Variants in GLB1L3 observed in about 807,000 individuals in gnomAD.
GLB1L3 encodes galactosidase beta 1 like 3.
Under a neutral mutation model 89.5 loss-of-function variants are expected in GLB1L3, and 89 were observed. The observed-to-expected ratio is 0.99, with a 90% confidence interval of 0.84 to 1.19. GLB1L3 has a LOEUF of 1.19. Among genes scored for constraint, GLB1L3 ranks in the 50% most tolerant of loss-of-function variants. The pLI is 0.00. For synonymous variants in GLB1L3, 314 were observed against 312.3 expected (o/e 1.01, Z -0.06); for missense variants, 812 against 813.3 (o/e 1.00, Z 0.02).
chr11:134,288,651 C>T (rs1490262636), intron 6 of GLB1L3, 147 bp from the exon 7 acceptor site: 1 of 563,616 alleles, frequency 1.8e-6, no homozygotes, highest in African/African-American at 1.9e-5. Context: ...ACTCTAACTC[C>T]AGCGCTGGAG....
intron 16 of GLB1L3, among the ~76,000 whole-genome samples, 193 bp from the exon 17 acceptor site, chr11:134,313,748 G>C (rs1260730191): frequency 6.6e-6 from 1 of 152,210 alleles, no homozygotes; most frequent in Non-Finnish European, 1.5e-5. Context: ...AGTACTAAGT[G>C]GGGGAACTTT....
At chr11:134,310,982 C>G in intron 12 of GLB1L3, 82 bp from the exon 13 acceptor site, 2 of 941,540 alleles carry the variant, frequency 2.1e-6, no homozygotes, top group Non-Finnish European at 3.4e-6. Flanking sequence ...AAGGAAAAGC[C>G]ATGCTGGATA....
chr11:134,277,244 G>GC (rs1463798012), intron 1 of GLB1L3, 82 bp from the exon 2 acceptor site: 2 of 1,588,584 alleles, frequency 1.3e-6, no homozygotes, highest in South Asian at 1.1e-5. Context: ...CCTCTAAAGC[G>GC]CCCCCGGCAC....
At position 134,318,698 on chromosome 11, in the gene GLB1L3, A is replaced by C. The variant is rs1308044488; in HGVS notation, c.1847A>C (p.Gln616Pro). Residue 616 changes from glutamine (Q) to proline (P), a missense_variant, in exon 19 of 20, where the codon CAG becomes CCG. Physicochemically the swap from Gln to Pro is moderately conservative, Grantham distance 76. Around this residue, in one of 3 missense-constraint regions of GLB1L3, gnomAD observed 618 missense variants for 604.0 expected, o/e 1.02. Transcript: ENST00000431683. Reference protein sequence around the residue: ...NLGRYWNIGPQKTLYLPGVWL... With the variant: ...NLGRYWNIGPPKTLYLPGVWL... The stretch of plus-strand genomic sequence containing the variant: ...GGGCGATATTGGAATATTGGGCCTC[A>C]GAAAACACTGTACCTTCCTGGAGTT... 6.2e-7 allele frequency: 1 copy of C among 1,613,186 alleles called. No individual in the cohort carries two copies. The highest frequency in any genetic ancestry group is 1.3e-5 in the African/African-American group (1 of 75,054).
chr11:134,309,844 G>GC (rs773829816), intron 11 of GLB1L3, 81 bp downstream of exon 11: 10 of 1,479,972 alleles, frequency 6.8e-6, no homozygotes, highest in Non-Finnish European at 9.3e-6. Context: ...GCCTGTTCTG[G>GC]CACCACTGGG....
chr11:134,307,296 A>T, intron 10 of GLB1L3, 88 bp downstream of exon 10: 1 of 962,014 alleles, frequency 1.0e-6, no homozygotes, highest in Non-Finnish European at 1.6e-6. Context: ...TAATTGATTC[A>T]CTTGATCAGC....
rs570361939 is a variant in GLB1L3 at position 134,281,827 on chromosome 11, G to A, written c.432-198G>A. Among the ~76,000 whole-genome samples the A allele has an allele frequency of 5.5e-5, 8 of 146,132 alleles. No individual in the cohort carries two copies. The East Asian group carries it at 7.9e-4, about 15-fold the overall frequency. On this transcript the variant is annotated intron_variant, in intron 4 of 19. Coordinates refer to ENST00000431683, the MANE Select transcript of GLB1L3 (RefSeq NM_001080407.3). ...TGTCACCCTTCCTCCTCAGGCCCCC[G>A]ATGGGGCTGTGCAGAGGCTCTGAGG...
In GLB1L3 at chr11:134,310,635, C is replaced by T. The variant is rs201500707; in HGVS notation, c.1164C>T (p.Leu388=). 429 of 1,612,954 alleles carry T rather than the reference C, an allele frequency of 2.7e-4. 3 individuals carry two copies. The African/African-American group carries it at 5.4e-3, about 20-fold the overall frequency. Residue 388 remains leucine, a synonymous_variant, in exon 12 of 20, where the codon CTC becomes CTT. Coordinates refer to ENST00000431683, the MANE Select transcript of GLB1L3 (RefSeq NM_001080407.3). ...AAAAATATCTGAAGCTTCAAAAACT[C>T]TTTCAATCTGTCTCAGGTACTCAGC... ...YTEKYLKLQK[L]FQSVSATPLP...
chr11:134,306,075 G>A (rs1215114099), intron 9 of GLB1L3, among the ~76,000 whole-genome samples: 1 of 152,042 alleles, frequency 6.6e-6, no homozygotes, highest in African/African-American at 2.4e-5. Context: ...TTTAACTGAA[G>A]TATCTATATG....
At chr11:134,318,574 G>C in intron 18 of GLB1L3, 57 bp from the exon 19 acceptor site, 1 of 1,049,450 alleles carries the variant, frequency 9.5e-7, no homozygotes, top group South Asian at 1.3e-5. Flanking sequence ...AAGTGCCTTA[G>C]GTTTTACCTT....
chr11:134,299,195 T>A (rs1411765086), intron 9 of GLB1L3, among the ~76,000 whole-genome samples: 2 of 152,058 alleles, frequency 1.3e-5, no homozygotes, highest in East Asian at 3.8e-4. Flanking sequence ...GCCAAAATTA[T>A]CTATCTGATC....
chr11:134,313,933 A>C lies in GLB1L3; in HGVS notation c.1580-8A>C, dbSNP rs1240492988. 2 of 1,582,412 alleles carry C rather than the reference A, an allele frequency of 1.3e-6. No individual in the cohort carries two copies. ...ATTCTCTTTCCTGCCTCCCATCTGC[A>C]TCTGCAGGAATAACTGGATCTGTCA... On this transcript the variant is annotated splice_polypyrimidine_tract_variant and splice_region_variant and intron_variant, in intron 16 of 19. Transcript: ENST00000431683.
intron 6 of GLB1L3, among the ~76,000 whole-genome samples, chr11:134,286,044 G>T (rs1940967250): frequency 6.6e-6 from 1 of 151,916 alleles, no homozygotes; most frequent in Admixed American, 6.6e-5. Flanking sequence ...GAATAGCTGG[G>T]ATTACAGGCA....
the GLB1L3 span, among the ~76,000 whole-genome samples, chr11:134,325,028 A>C: frequency 1.2e-4 from 19 of 152,294 alleles, no homozygotes; most frequent in Non-Finnish European, 2.5e-4. Context: ...AAAGTTATAA[A>C]GTTATAAAGC....
At chr11:134,308,933 C>T (rs1001546631) in intron 10 of GLB1L3, among the ~76,000 whole-genome samples, 1 of 152,136 alleles carries the variant, frequency 6.6e-6, no homozygotes, top group African/African-American at 2.4e-5. Context: ...TTCTTCTTCC[C>T]ACTGTGGCCA....
chr11:134,278,348 G>T (rs537709762), intron 3 of GLB1L3, among the ~76,000 whole-genome samples: 1 of 151,990 alleles, frequency 6.6e-6, no homozygotes, highest in African/African-American at 2.4e-5. Context: ...GCAGTGGCCC[G>T]ATCTTAGCTC....
In GLB1L3 at chr11:134,309,830, G is replaced by A. The variant is rs755035650; in HGVS notation, c.1099+67G>A. ...GCTGGGGCTTTACAGAGGAGGCTCC[G>A]GAAGCCTGTTCTGGCACCACTGGGT... On this transcript the variant is annotated intron_variant, in intron 11 of 19. Transcript: ENST00000431683. 3.1e-5 allele frequency: 49 copies of A among 1,559,672 alleles called. 1 individual carries two copies. The African/African-American group carries it at 4.5e-4, about 14-fold the overall frequency.
intron 18 of GLB1L3, among the ~76,000 whole-genome samples, 177 bp from the exon 19 acceptor site, chr11:134,318,454 C>CTT (rs1010391959): frequency 6.6e-6 from 1 of 152,168 alleles, no homozygotes; most frequent in African/African-American, 2.4e-5. Context: ...TCTATTTATG[C>CTT]TTTTCTCTTT....
rs192482533 is a variant in GLB1L3 at position 134,312,466 on chromosome 11, G to T, written c.1405G>T (p.Ala469Ser). 3 of 1,612,756 alleles carry T rather than the reference G, an allele frequency of 1.9e-6. No individual in the cohort carries two copies. The highest frequency in any genetic ancestry group is 2.7e-5 in the African/African-American group (2 of 74,922). ...CATCTGCTCCGGAGGCCGCCTCCGT[G>T]CCCACGCTCATGACGTGGCACAGGT... ...KSICSGGRLR[A>S]HAHDVAQVFL... The change falls in exon 14 of 20, where the codon GCC (alanine) becomes TCC (serine). Residue 469 changes from alanine to serine, a missense_variant. This residue lies in a region of GLB1L3 where 618 missense variants were observed against 604.0 expected (regional missense o/e 1.02). Transcript: ENST00000431683.
Sources: allele counts gnomAD v4.1 joint callset (sites outside exome capture counted in the v4.1 genomes callset), GRCh38; gene constraint gnomAD v4.1.1; regional missense constraint gnomAD v4.1.1; transcripts MANE v1.5; gene names NCBI Gene and HGNC (gene_info 2026-07-23, HGNC 2026-07-21).